RAPGEF5: variants seen among roughly 807,000 people sequenced by gnomAD.
RAPGEF5 encodes Rap guanine nucleotide exchange factor 5.
Under a neutral mutation model 125.2 loss-of-function variants are expected in RAPGEF5, and 65 were observed. The ratio of observed to expected loss-of-function variants is 0.52; its 90% confidence interval spans 0.43 to 0.64. The LOEUF is 0.64. Ranked by LOEUF, RAPGEF5 falls within the 30% of genes least tolerant of loss-of-function variation. The pLI is 0.00. For synonymous variants in RAPGEF5, 391 were observed against 385.9 expected (o/e 1.01, Z -0.16); for missense variants, 958 against 1,048.1 (o/e 0.91, Z 1.19).
At chr7:22,248,671 C>G (rs1156336546) in intron 7 of RAPGEF5, among the ~76,000 whole-genome samples, 1 of 152,160 alleles carries the variant, frequency 6.6e-6, no homozygotes, top group African/African-American at 2.4e-5. Flanking sequence ...AGCTTGCTTT[C>G]TTAGGCATAA....
At chr7:22,202,526 A>G (rs1340551598) in intron 9 of RAPGEF5, among the ~76,000 whole-genome samples, 1 of 152,204 alleles carries the variant, frequency 6.6e-6, no homozygotes, top group East Asian at 1.9e-4. Flanking sequence ...AAGGCCCAGC[A>G]CAGTCCCCTG....
chr7:22,302,316 T>A (rs1372553423), intron 5 of RAPGEF5, among the ~76,000 whole-genome samples: 1 of 152,130 alleles, frequency 6.6e-6, no homozygotes, highest in Non-Finnish European at 1.5e-5. Context: ...GCAGAAGCCA[T>A]GTGGCTGAAC....
intron 2 of RAPGEF5, among the ~76,000 whole-genome samples, chr7:22,317,531 T>C (rs1435726243): frequency 6.6e-6 from 1 of 152,120 alleles, no homozygotes; most frequent in African/African-American, 2.4e-5. Context: ...TGAGCCACCA[T>C]GCCCAGCCAA....
At chr7:22,231,610 A>G (rs940524144) in intron 7 of RAPGEF5, among the ~76,000 whole-genome samples, 7 of 152,220 alleles carry the variant, frequency 4.6e-5, no homozygotes, top group African/African-American at 7.2e-5. Context: ...TCTCCTGCTC[A>G]TCACTGAAGG....
rs192687651 is a variant in RAPGEF5 at position 22,320,577 on chromosome 7, C to A, written c.232-2540G>T. Among the ~76,000 whole-genome samples the A allele has an allele frequency of 1.5e-3, 229 of 152,268 alleles. 2 individuals carry two copies. Among genetic ancestry groups the A allele is most frequent in the Non-Finnish European group, 4.7e-4 (32 of 68,026 alleles). On this transcript the variant is annotated intron_variant, in intron 1 of 25. Transcript: ENST00000665637. ...AAAAGCACCCTTGAAAATGCACCCC[C>A]CTCTTTCCATTTTAACATTCTTTCC...
At chr7:22,205,589 T>G (rs1356526791) in intron 9 of RAPGEF5, among the ~76,000 whole-genome samples, 3 of 152,150 alleles carry the variant, frequency 2.0e-5, no homozygotes, top group Non-Finnish European at 4.4e-5. Context: ...GAGACAAAAA[T>G]CTGCATGTTT....
chr7:22,153,629 T>A (rs1478440700), intron 17 of RAPGEF5, among the ~76,000 whole-genome samples: 2 of 152,182 alleles, frequency 1.3e-5, no homozygotes, highest in Non-Finnish European at 2.9e-5. Flanking sequence ...TGCAGAATGA[T>A]AACAAAGGGT....
chr7:22,239,596 T>A (rs1385251399), intron 7 of RAPGEF5, among the ~76,000 whole-genome samples: 3 of 151,794 alleles, frequency 2.0e-5, no homozygotes. Context: ...ATCCCTGCCC[T>A]ACAGCAGAGA....
intron 11 of RAPGEF5, among the ~76,000 whole-genome samples, chr7:22,181,448 T>A (rs1365789986): frequency 2.0e-5 from 3 of 152,208 alleles, no homozygotes; most frequent in Non-Finnish European, 4.4e-5. Flanking sequence ...ACTTTTCATG[T>A]TCCCACTAAA....
At chr7:22,328,494 G>C (rs1175348885) in intron 1 of RAPGEF5, among the ~76,000 whole-genome samples, 1 of 152,188 alleles carries the variant, frequency 6.6e-6, no homozygotes, top group African/African-American at 2.4e-5. Context: ...AGAACCCTAA[G>C]TACAGTCAAT....
At chr7:22,260,767 CT>C (rs896576886) in intron 7 of RAPGEF5, among the ~76,000 whole-genome samples, 2 of 151,838 alleles carry the variant, frequency 1.3e-5, no homozygotes, top group Non-Finnish European at 2.9e-5. Context: ...CAAATTAAAA[CT>C]TTGAAGAGAA....
intron 7 of RAPGEF5, among the ~76,000 whole-genome samples, chr7:22,266,533 A>C (rs2128141717): frequency 6.6e-6 from 1 of 152,256 alleles, no homozygotes; most frequent in South Asian, 2.1e-4. Context: ...TCATTAAGCA[A>C]TTCAATTATT....
chr7:22,131,238 T>C (rs924212617), intron 23 of RAPGEF5, 137 bp from the exon 24 acceptor site: 24 of 1,149,774 alleles, frequency 2.1e-5, no homozygotes, highest in Non-Finnish European at 2.8e-5. Context: ...GAGAGGCAAT[T>C]TGAAATTGGA....
intron 1 of RAPGEF5, among the ~76,000 whole-genome samples, chr7:22,343,399 T>A (rs1284796260): frequency 6.6e-6 from 1 of 152,150 alleles, no homozygotes; most frequent in African/African-American, 2.4e-5. Flanking sequence ...CATAGAGAAT[T>A]TTTCTTATAC....
In RAPGEF5 at chr7:22,356,938, G is replaced by C. The variant is rs1163633200; in HGVS notation, c.123C>G (p.Pro41=). The C allele has an allele frequency of 9.4e-7, 1 of 1,059,502 alleles. No homozygotes were observed. 65.6% of individuals were successfully genotyped at this position (1,059,502 alleles called of 1,614,324 possible). Residue 41 remains proline (P), a synonymous_variant, in exon 1 of 26, where the codon CCC becomes CCG. Transcript: ENST00000665637. ...GCGACGCCGGCGGCTGCTCGCGCTC[G>C]GGCTCCCGGGCGCTGGGGCTGCGGC... ...PLRRSPSARE[P]EREQPPASLR...
chr7:22,209,742 GGTC>G (rs1250405703), intron 9 of RAPGEF5, among the ~76,000 whole-genome samples: 1 of 152,032 alleles, frequency 6.6e-6, no homozygotes, highest in Non-Finnish European at 1.5e-5. Context: ...TTAGGGCAAG[GGTC>G]ACGTCGATCA....
At chr7:22,307,164 T>C (rs909259706) in intron 5 of RAPGEF5, among the ~76,000 whole-genome samples, 2 of 152,222 alleles carry the variant, frequency 1.3e-5, no homozygotes, top group African/African-American at 4.8e-5. Context: ...TTTAACAACA[T>C]TGATTATTCT....
chr7:22,323,196 ACCC>A (rs1783750314), intron 1 of RAPGEF5, among the ~76,000 whole-genome samples: 1 of 152,168 alleles, frequency 6.6e-6, no homozygotes, highest in Admixed American at 6.5e-5. Flanking sequence ...GAAAGAGTCT[ACCC>A]TTTTAATGGC....
At chr7:22,142,775 G>A (rs755014496) in intron 20 of RAPGEF5, among the ~76,000 whole-genome samples, 13 of 152,238 alleles carry the variant, frequency 8.5e-5, no homozygotes, top group Non-Finnish European at 1.6e-4. Flanking sequence ...CCACAGAGGT[G>A]GGGGATGGGG....
Sources: allele counts gnomAD v4.1 joint callset (sites outside exome capture counted in the v4.1 genomes callset), GRCh38; gene constraint gnomAD v4.1.1; transcripts MANE v1.5; gene names NCBI Gene and HGNC (gene_info 2026-07-23, HGNC 2026-07-21).